GAD1: variants seen among roughly 807,000 people sequenced by gnomAD.
The protein encoded by GAD1 is glutamate decarboxylase 1.
GAD1 carries 35 observed loss-of-function variants against 75.2 expected under a neutral mutation model. That is an observed-to-expected ratio of 0.47 (90% confidence interval 0.36 to 0.62). The LOEUF is 0.62. Among genes scored for constraint, GAD1 ranks in the 20% least tolerant of loss-of-function variants. The pLI is 0.00. For synonymous variants in GAD1, 257 were observed against 271.9 expected (o/e 0.95, Z 0.54); for missense variants, 490 against 758.5 (o/e 0.65, Z 4.16).
rs1702163476 is a variant in GAD1, at chr2:170,829,458, A to AGCTTCTAGTGCCATAG, written c.146-11_146-10insAGTGCCATAGGCTTCT. 1.2e-6 allele frequency: 2 copies of AGCTTCTAGTGCCATAG among 1,612,134 alleles called. No homozygotes were observed. Among genetic ancestry groups the AGCTTCTAGTGCCATAG allele is most frequent in the African/African-American group, 2.7e-5 (2 of 74,878 alleles). ...GCAGTTTGCAGCACTCTCTCTGACC[A>AGCTTCTAGTGCCATAG]GCTTCTTGTGCCATAGGCTTCTTGC... On this transcript the variant is annotated splice_polypyrimidine_tract_variant and intron_variant, in intron 3 of 16. Transcript: ENST00000358196.
In GAD1 at chr2:170,845,693, C is replaced by CT. The variant is rs1559282338; in HGVS notation, c.868-12dup. 6.2e-7 allele frequency: 1 copy of CT among 1,614,048 alleles called. No homozygotes were observed. The highest frequency in any genetic ancestry group is 1.7e-5 in the Admixed American group (1 of 60,016). On this transcript the variant is annotated splice_polypyrimidine_tract_variant and intron_variant, in intron 8 of 16. Transcript: ENST00000358196. ...CTTTCCAACTTCTAACCTCGAGCCTCTGTTTGTTGCAGAGTCACTATTCCA... is the reference window on the plus strand; with the variant it reads ...CTTTCCAACTTCTAACCTCGAGCCTCTTGTTTGTTGCAGAGTCACTATTCCA...
At chr2:170,847,565 T>C (rs929015527) in intron 10 of GAD1, 111 bp from the exon 11 acceptor site, 17 of 806,428 alleles carry the variant, frequency 2.1e-5, no homozygotes, top group African/African-American at 3.4e-5. Flanking sequence ...AATACATAAG[T>C]TTTGCCATTT....
Position 170,818,455 on chromosome 2 carries a change from C to T in GAD1, c.-63-74C>T. The T allele has an allele frequency of 2.5e-6, 2 of 804,026 alleles. No individual in the cohort carries two copies. Among genetic ancestry groups the T allele is most frequent in the Non-Finnish European group, 4.4e-6 (2 of 452,548 alleles). The allele number at this position is 804,026 out of a possible 1,614,324, so 49.8% of individuals were successfully genotyped here. A position where few individuals can be genotyped will look rare whatever the true frequency, so the allele number is the denominator to read the frequency against. ...GGATCTTCAAGGGGAGCCTCCGTGCCCCCGGCTGCTCAGTCCCTCCGGTGT... is the reference window on the plus strand; with the variant it reads ...GGATCTTCAAGGGGAGCCTCCGTGCTCCCGGCTGCTCAGTCCCTCCGGTGT... On this transcript the variant is annotated intron_variant, in intron 1 of 16. Coordinates refer to ENST00000358196, the MANE Select transcript of GAD1 (RefSeq NM_000817.3). The surrounding 1 kb of genome is among the most constrained non-coding windows in gnomAD (Gnocchi z 5.9).
chr2:170,845,551 A>G lies in GAD1; in HGVS notation c.797A>G (p.Lys266Arg). The change falls in exon 8 of 17, where the codon AAG becomes AGG. Residue 266 changes from lysine (K) to arginine (R), a missense_variant. This residue lies in a region of GAD1 where 324 missense variants were observed against 523.9 expected (regional missense o/e 0.62). Transcript: ENST00000358196. ...NMYSIMAARY[K>R]YFPEVKTKGM... ...TACAGCATCATGGCTGCTCGCTACA[A>G]GTACTTCCCGGAAGTTAAGACAAAG... 6.2e-7 allele frequency: 1 copy of G among 1,614,146 alleles called. No homozygotes were observed. Among genetic ancestry groups the G allele is most frequent in the Non-Finnish European group, 8.5e-7 (1 of 1,180,038 alleles).
intron 10 of GAD1, 21 bp downstream of exon 10, chr2:170,846,084 C>G: frequency 6.3e-7 from 1 of 1,599,790 alleles, no homozygotes; most frequent in Non-Finnish European, 8.6e-7. Context: ...CGTGGTGCAT[C>G]TGAACTCCAG....
At chr2:170,819,031 G>A (rs977506724) in intron 2 of GAD1, among the ~76,000 whole-genome samples, 2 of 152,142 alleles carry the variant, frequency 1.3e-5, no homozygotes, top group African/African-American at 4.8e-5. Context: ...AGAGCTAGGA[G>A]CCCCAGCAGG....
intron 2 of GAD1, chr2:170,821,872 A>G (rs898222657): frequency 8.7e-6 from 5 of 575,012 alleles, no homozygotes; most frequent in African/African-American, 1.9e-5. Context: ...ACCGTTCCAT[A>G]TTTGAAGCCA....
chr2:170,832,695 C>T lies in GAD1; in HGVS notation c.547+1503C>T, dbSNP rs1007370652. ...ACACACACACACACACACACACACA[C>T]ATACACACATGCCTTCTCATTCTAC... On this transcript the variant is annotated intron_variant, in intron 5 of 16. Transcript: ENST00000358196. Among the ~76,000 whole-genome samples, 43 of 151,852 alleles carry T rather than the reference C, an allele frequency of 2.8e-4. No homozygotes were observed. In the East Asian group the frequency reaches 3.9e-3, roughly 14 times the overall value.
At chr2:170,817,205 C>T in intron 1 of GAD1, 157 bp downstream of exon 1, 1 of 103,606 alleles carries the variant, frequency 9.7e-6, no homozygotes, top group African/African-American at 3.0e-5. Context: ...CCCTGCTCTC[C>T]ACGGGTGCGC....
At chr2:170,852,961 C>A in intron 13 of GAD1, 169 bp downstream of exon 13, 1 of 691,848 alleles carries the variant, frequency 1.4e-6, no homozygotes, top group Admixed American at 2.1e-5. Context: ...AACCTGGTTT[C>A]TTCTCTTGGC....
At chr2:170,848,647 A>ATT in intron 11 of GAD1, 8 of 460,958 alleles carry the variant, frequency 1.7e-5, no homozygotes, top group East Asian at 1.2e-4. Flanking sequence ...GACTGGGTGT[A>ATT]TTTTTTTTTT....
chr2:170,846,980 G>T (rs1178236244), intron 10 of GAD1, among the ~76,000 whole-genome samples: 1 of 152,200 alleles, frequency 6.6e-6, no homozygotes, highest in Non-Finnish European at 1.5e-5. Context: ...CTCCAGCCTA[G>T]GTGACAGAGC....
In GAD1 at chr2:170,852,783, C is replaced by T. The variant is rs1458876662; in HGVS notation, c.1254C>T (p.Val418=). 3 of 1,613,916 alleles carry T rather than the reference C, an allele frequency of 1.9e-6. No homozygotes were observed. Among genetic ancestry groups the T allele is most frequent in the East Asian group, 2.2e-5 (1 of 44,890 alleles). The change falls in exon 13 of 17, where the codon GTC becomes GTT. Residue 418 remains valine (V), a synonymous_variant. Coordinates refer to ENST00000358196, the MANE Select transcript of GAD1 (RefSeq NM_000817.3). ...GVLLQCSAIL[V]KEKGILQGCN... ...TGTTGCAGTGCTCTGCCATTCTCGTCAAGGAAAAGGTCTGTACTCCCTCCA... is the reference window on the plus strand; with the variant it reads ...TGTTGCAGTGCTCTGCCATTCTCGTTAAGGAAAAGGTCTGTACTCCCTCCA...
At position 170,821,828 on chromosome 2, in the gene GAD1, C is replaced by T. The variant is rs45454995; in HGVS notation, c.83-259C>T. On this transcript the variant is annotated intron_variant, in intron 2 of 16. Transcript: ENST00000358196. ...GCCGGGCGGGGGTCGCTTACGGGCC[C>T]GGAGGGGCGCCGGGTGCCCCGCCTC... 96 of 525,644 alleles carry T rather than the reference C, an allele frequency of 1.8e-4. No individual in the cohort carries two copies. In the East Asian group the frequency reaches 1.9e-3, roughly 11 times the overall value. 32.6% of individuals were successfully genotyped at this position (525,644 alleles called of 1,614,324 possible). A position where few individuals can be genotyped will look rare whatever the true frequency, so the allele number is the denominator to read the frequency against.
chr2:170,818,763 G>C lies in GAD1; in HGVS notation c.82+90G>C. On this transcript the variant is annotated intron_variant, in intron 2 of 16. Coordinates refer to ENST00000358196, the MANE Select transcript of GAD1 (RefSeq NM_000817.3). This position sits in a 1 kb window ranked among gnomAD's most constrained non-coding sequence, Gnocchi z 5.9. ...GAGGCTGAGCTGGCGGAAAGGGAAGGGGGAGCGCGGAGATAATGGAGGCTG... is the reference window on the plus strand; with the variant it reads ...GAGGCTGAGCTGGCGGAAAGGGAAGCGGGAGCGCGGAGATAATGGAGGCTG... The C allele has an allele frequency of 8.0e-7, 1 of 1,246,498 alleles. No homozygotes were observed. The highest frequency in any genetic ancestry group is 1.2e-5 in the South Asian group (1 of 83,576). 77.2% of individuals were successfully genotyped at this position (1,246,498 alleles called of 1,614,324 possible).
In GAD1 at chr2:170,849,342, C is replaced by T. The variant is rs754898039; in HGVS notation, c.1176C>T (p.Gly392=). The change falls in exon 12 of 17, where the codon GGC becomes GGT. Residue 392 remains glycine (G), a synonymous_variant. Transcript: ENST00000358196. ...MSRKHRHKLN[G]IERANSVTWN... ...GGAAGCACCGCCATAAACTCAACGG[C>T]ATAGAAAGGTAACGGCCAGAACTCG... is the stretch of plus-strand genomic sequence containing the variant. 2.5e-6 allele frequency: 4 copies of T among 1,614,130 alleles called. No homozygotes were observed. The highest frequency in any genetic ancestry group is 2.5e-6 in the Non-Finnish European group (3 of 1,180,024).
At chr2:170,856,513 G>A (rs971168849) in intron 14 of GAD1, among the ~76,000 whole-genome samples, 4 of 152,170 alleles carry the variant, frequency 2.6e-5, no homozygotes, top group African/African-American at 9.7e-5. Context: ...TGTTGTTGTT[G>A]TTGTTGTTTT....
chr2:170,822,504 C>T (rs1043697295), intron 3 of GAD1, among the ~76,000 whole-genome samples: 1 of 152,266 alleles, frequency 6.6e-6, no homozygotes, highest in South Asian at 2.1e-4. Flanking sequence ...GCCGTGCACT[C>T]TGCCTGCGCG....
At chr2:170,856,141 G>T (rs1702846496) in intron 14 of GAD1, among the ~76,000 whole-genome samples, 1 of 152,198 alleles carries the variant, frequency 6.6e-6, no homozygotes, top group South Asian at 2.1e-4. Flanking sequence ...TGCTTTCTCA[G>T]TGCTGGACTT....
Sources: allele counts gnomAD v4.1 joint callset (sites outside exome capture counted in the v4.1 genomes callset), GRCh38; gene constraint gnomAD v4.1.1; regional missense constraint gnomAD v4.1.1; non-coding constraint Gnocchi (gnomAD v3.1); transcripts MANE v1.5; gene names NCBI Gene and HGNC (gene_info 2026-07-23, HGNC 2026-07-21).